MACF1: variants seen among roughly 807,000 people sequenced by gnomAD.
The protein encoded by MACF1 is microtubule actin crosslinking factor 1.
MACF1 carries 193 observed loss-of-function variants against 854.8 expected under a neutral mutation model. The observed-to-expected ratio is 0.23, with a 90% confidence interval of 0.20 to 0.25. The LOEUF (loss-of-function observed/expected upper bound fraction) is 0.25. MACF1 is among the 10% of genes least tolerant of loss of function. The pLI is 1.00. For synonymous variants in MACF1, 3,185 were observed against 3,226.7 expected (o/e 0.99, Z 0.44); for missense variants, 7,722 against 8,929.1 (o/e 0.86, Z 5.45).
chr1:39,412,114 T>C, intron 58 of MACF1: 3 of 1,613,998 alleles, frequency 1.9e-6, no homozygotes, highest in Non-Finnish European at 2.5e-6. Flanking sequence ...AGAAAAATTA[T>C]CAGGCTTCAT....
At chr1:39,426,414 A>G (rs923846007) in intron 61 of MACF1, among the ~76,000 whole-genome samples, 3 of 152,186 alleles carry the variant, frequency 2.0e-5, no homozygotes, top group African/African-American at 7.2e-5. Context: ...AGTGCATCAT[A>G]TACTCCCAGG....
intron 6 of MACF1, chr1:39,269,148 C>T (rs1008326641): frequency 7.8e-7 from 1 of 1,289,828 alleles, no homozygotes; most frequent in Non-Finnish European, 1.0e-6. Context: ...GCTTGATAAC[C>T]CAGCAGAAAG....
intron 6 of MACF1, chr1:39,269,185 T>C (rs1228669161): frequency 7.8e-7 from 1 of 1,290,004 alleles, no homozygotes; most frequent in Non-Finnish European, 1.0e-6. Context: ...GTGAGCCAAC[T>C]GGTGGAATTT....
intron 58 of MACF1, chr1:39,413,379 G>A (rs752071303): frequency 1.5e-6 from 2 of 1,313,118 alleles, no homozygotes; most frequent in South Asian, 2.8e-5. Flanking sequence ...CCCCAGAGGA[G>A]CCCACCTCCC....
At chr1:39,468,931 A>C (rs547807331) in intron 96 of MACF1, among the ~76,000 whole-genome samples, 199 bp downstream of exon 96, 3 of 152,150 alleles carry the variant, frequency 2.0e-5, no homozygotes, top group Admixed American at 2.0e-4. Flanking sequence ...GGTTGATGCT[A>C]TTTGGGGAGG....
intron 2 of MACF1, among the ~76,000 whole-genome samples, chr1:39,128,641 G>T (rs1385856880): frequency 6.6e-6 from 1 of 152,040 alleles, no homozygotes; most frequent in East Asian, 1.9e-4. Flanking sequence ...GGAGCTTGCA[G>T]TGAGCCGAGA....
chr1:39,429,404 C>A, intron 64 of MACF1, 78 bp downstream of exon 64: 1 of 798,906 alleles, frequency 1.3e-6, no homozygotes, highest in African/African-American at 1.7e-5. Context: ...AGTTCCCTGC[C>A]TTAGCCTCTT....
At chr1:39,447,667 A>C (rs753691586) in intron 81 of MACF1, 25 bp from the exon 82 acceptor site, 28 of 1,613,824 alleles carry the variant, frequency 1.7e-5, no homozygotes, top group Non-Finnish European at 8.5e-7. Context: ...TCTTAAGCTA[A>C]AAAAGAGCAC....
chr1:39,094,641 C>G (rs1467262759), intron 2 of MACF1, among the ~76,000 whole-genome samples: 1 of 151,662 alleles, frequency 6.6e-6, no homozygotes, highest in Non-Finnish European at 1.5e-5. Flanking sequence ...TTGCTTGAAC[C>G]TGGGAGGCGG....
chr1:39,412,806 A>G, intron 58 of MACF1: 1 of 1,612,746 alleles, frequency 6.2e-7, no homozygotes. Context: ...AAGATGCCCT[A>G]GATGCTGCAC....
At chr1:39,307,635 C>A (rs982601928) in intron 23 of MACF1, among the ~76,000 whole-genome samples, 2 of 152,060 alleles carry the variant, frequency 1.3e-5, no homozygotes, top group Non-Finnish European at 2.9e-5. Flanking sequence ...TGCAGTGGCG[C>A]GATCTTGGCT....
chr1:39,165,311 T>C (rs935358833), intron 2 of MACF1, among the ~76,000 whole-genome samples: 1 of 152,180 alleles, frequency 6.6e-6, no homozygotes, highest in African/African-American at 2.4e-5. Context: ...GTGAGGCCTG[T>C]CAACACCTTT....
intron 6 of MACF1, among the ~76,000 whole-genome samples, chr1:39,261,947 C>T (rs1341180897): frequency 6.6e-6 from 1 of 152,216 alleles, no homozygotes; most frequent in East Asian, 1.9e-4. Flanking sequence ...TGTGTCTTTA[C>T]ATCCTCACCA....
intron 2 of MACF1, chr1:39,103,017 A>G: frequency 1.4e-6 from 1 of 694,530 alleles, no homozygotes; most frequent in Non-Finnish European, 2.6e-6. Flanking sequence ...CATTAGAAGA[A>G]TGCATTATTT....
chr1:39,303,862 G>A (rs1287045624), intron 23 of MACF1, among the ~76,000 whole-genome samples: 1 of 151,114 alleles, frequency 6.6e-6, no homozygotes, highest in African/African-American at 2.4e-5. Flanking sequence ...GGGCGACAAA[G>A]GGAGACTCCG....
At position 39,334,209 on chromosome 1, in the gene MACF1, TTAAACA is replaced by T. The variant is rs1032641564; in HGVS notation, c.7623_7628del (p.Leu2541_Ile2543delinsPhe). On this transcript the variant is annotated inframe_deletion, in exon 37 of 101. Transcript: ENST00000564288. The stretch of plus-strand genomic sequence containing the variant: ...CGAGAAACTCAAAAGAGTTGAGAAC[TTAAACA>T]TCCATCAGATTTTTAATCCTGAAAC... 2 of 1,614,156 alleles carry T rather than the reference TTAAACA, an allele frequency of 1.2e-6. No homozygotes were observed. Among genetic ancestry groups the T allele is most frequent in the African/African-American group, 2.7e-5 (2 of 75,062 alleles).
chr1:39,427,086 C>G (rs568964064), intron 61 of MACF1, among the ~76,000 whole-genome samples: 1 of 152,128 alleles, frequency 6.6e-6, no homozygotes, highest in South Asian at 2.1e-4. Context: ...ATACTACATT[C>G]TGTTTTGATT....
At chr1:39,326,060 T>G (rs1214771786) in intron 35 of MACF1, among the ~76,000 whole-genome samples, 2 of 151,682 alleles carry the variant, frequency 1.3e-5, no homozygotes, top group African/African-American at 2.4e-5. Context: ...GAGTGGAGAG[T>G]GCAAGGATAA....
intron 2 of MACF1, among the ~76,000 whole-genome samples, chr1:39,095,563 A>C (rs1199002811): frequency 1.1e-4 from 3 of 26,340 alleles, no homozygotes; most frequent in African/African-American, 6.7e-4. Flanking sequence ...CTCTGTCTCA[A>C]AAAAAAAAAA....
Sources: allele counts gnomAD v4.1 joint callset (sites outside exome capture counted in the v4.1 genomes callset), GRCh38; gene constraint gnomAD v4.1.1; transcripts MANE v1.5; gene names NCBI Gene and HGNC (gene_info 2026-07-23, HGNC 2026-07-21).